Variants in PCDHA5 observed in about 807,000 individuals in gnomAD.
The protein encoded by PCDHA5 is protocadherin alpha-5.
Under a neutral mutation model 61.6 loss-of-function variants are expected in PCDHA5, and 43 were observed. The observed-to-expected ratio is 0.70, with a 90% CI of 0.55 to 0.90. The LOEUF is 0.90. Among genes scored for constraint, PCDHA5 ranks in the 40% least tolerant of loss-of-function variants. The pLI, the probability that PCDHA5 is intolerant of heterozygous loss-of-function variation, is 0.00. For synonymous variants in PCDHA5, 627 were observed against 543.9 expected (o/e 1.15, Z -2.13); for missense variants, 1,298 against 1,222.7 (o/e 1.06, Z -0.92).
At chr5:140,959,591 A>C (rs2095498403) in intron 1 of PCDHA5, among the ~76,000 whole-genome samples, 1 of 152,220 alleles carries the variant, frequency 6.6e-6, no homozygotes, top group African/African-American at 2.4e-5. Context: ...CTATCAGCCA[A>C]GTATAACATG....
chr5:140,957,826 G>A (rs1282608668), intron 1 of PCDHA5, among the ~76,000 whole-genome samples: 3 of 151,106 alleles, frequency 2.0e-5, no homozygotes, highest in East Asian at 3.9e-4. Flanking sequence ...TTAAGAGAAA[G>A]TGTTAATTGA....
intron 1 of PCDHA5, among the ~76,000 whole-genome samples, chr5:140,961,302 A>G (rs1383841228): frequency 6.6e-6 from 1 of 152,222 alleles, no homozygotes; most frequent in African/African-American, 2.4e-5. Context: ...GTTAAAGAAC[A>G]TGATTTACCA....
At chr5:140,994,809 C>G (rs1366407347) in intron 3 of PCDHA5, among the ~76,000 whole-genome samples, 1 of 152,016 alleles carries the variant, frequency 6.6e-6, no homozygotes, top group Non-Finnish European at 1.5e-5. Flanking sequence ...AAACAAAATA[C>G]AAAAAACTGA....
intron 1 of PCDHA5, chr5:140,851,357 G>A: frequency 2.1e-6 from 2 of 974,974 alleles, no homozygotes; most frequent in Non-Finnish European, 2.5e-6. Flanking sequence ...GATGGAGACT[G>A]TGAACATCTG....
chr5:140,966,958 G>T (rs561982676), intron 1 of PCDHA5: 4 of 1,602,380 alleles, frequency 2.5e-6, no homozygotes, highest in African/African-American at 2.7e-5. Context: ...TGGCTCGCGC[G>T]CTGGGGCTTG....
intron 1 of PCDHA5, among the ~76,000 whole-genome samples, chr5:140,908,047 C>T (rs976734426): frequency 4.6e-5 from 7 of 152,208 alleles, no homozygotes; most frequent in African/African-American, 1.7e-4. Context: ...AATTGCACAT[C>T]CGGCCATTTC....
In PCDHA5 at chr5:140,829,466, G is replaced by A. The variant is rs2150168443; in HGVS notation, c.2352+5339G>A. 7 of 1,613,764 alleles carry A rather than the reference G, an allele frequency of 4.3e-6. No individual in the cohort carries two copies. The Admixed American group carries it at 5.0e-5, about 12-fold the overall frequency. ...CAATGCTCCGGCGTTCGCGCAGCCC[G>A]AGTACACAGTGTTCGTGAAGGAGAA... On this transcript the variant is annotated intron_variant, in intron 1 of 3. Transcript: ENST00000529859.
intron 1 of PCDHA5, chr5:140,875,919 C>G: frequency 2.5e-6 from 4 of 1,614,168 alleles, no homozygotes; most frequent in Non-Finnish European, 3.4e-6. Flanking sequence ...CGCCTCTGGA[C>G]TCTCATTTTC....
At chr5:140,828,819 A>C (rs140245330) in intron 1 of PCDHA5, 1 of 1,614,224 alleles carries the variant, frequency 6.2e-7, no homozygotes, top group Non-Finnish European at 8.5e-7. Context: ...CCCACTTTCG[A>C]ACAGTCTGAA....
At chr5:140,981,342 G>A (rs2096927846) in intron 2 of PCDHA5, among the ~76,000 whole-genome samples, 1 of 152,176 alleles carries the variant, frequency 6.6e-6, no homozygotes, top group African/African-American at 2.4e-5. Flanking sequence ...GGGAGGGTGA[G>A]GCAGGTGGAT....
At chr5:140,867,366 T>C (rs1478062885) in intron 1 of PCDHA5, 2 of 152,156 alleles carry the variant, frequency 1.3e-5, no homozygotes, top group African/African-American at 4.8e-5. Flanking sequence ...ATTTTACAGA[T>C]GCGTAATGGA....
At chr5:140,834,495 G>A in intron 1 of PCDHA5, 1 of 1,614,142 alleles carries the variant, frequency 6.2e-7, no homozygotes, top group Non-Finnish European at 8.5e-7. Context: ...GGTCCCCGAG[G>A]AGGCTAAACA....
At chr5:140,928,958 C>T in intron 1 of PCDHA5, 1 of 1,613,930 alleles carries the variant, frequency 6.2e-7, no homozygotes, top group South Asian at 1.1e-5. Flanking sequence ...ATTGCCTTGG[C>T]TTGTATTTCC....
chr5:140,907,163 T>C (rs1019409387), intron 1 of PCDHA5, among the ~76,000 whole-genome samples: 1 of 152,162 alleles, frequency 6.6e-6, no homozygotes, highest in Non-Finnish European at 1.5e-5. Context: ...TACCATATAT[T>C]GGATGCTGAT....
intron 1 of PCDHA5, chr5:140,876,915 C>A: frequency 6.2e-7 from 1 of 1,613,966 alleles, no homozygotes; most frequent in Non-Finnish European, 8.5e-7. Flanking sequence ...CGGCATGGGA[C>A]GCGGACGCGC....
intron 1 of PCDHA5, among the ~76,000 whole-genome samples, chr5:140,901,959 A>G (rs1163639408): frequency 6.6e-6 from 1 of 152,076 alleles, no homozygotes; most frequent in Admixed American, 6.6e-5. Flanking sequence ...ATTCGTGGCT[A>G]TCGTAAATGG....
intron 1 of PCDHA5, chr5:140,829,534 C>T (rs550072556): frequency 6.2e-7 from 1 of 1,613,076 alleles, no homozygotes; most frequent in Non-Finnish European, 8.5e-7. Context: ...CTGCGCGAGA[C>T]GCGGACGCGC....
chr5:140,983,359 A>G (rs1310994731), intron 3 of PCDHA5, among the ~76,000 whole-genome samples: 1 of 152,254 alleles, frequency 6.6e-6, no homozygotes, highest in African/African-American at 2.4e-5. Flanking sequence ...TAATAGAAAT[A>G]TGGCTTTGGA....
chr5:140,987,398 A>G (rs935672912), intron 3 of PCDHA5, among the ~76,000 whole-genome samples: 4 of 152,140 alleles, frequency 2.6e-5, no homozygotes, highest in African/African-American at 9.7e-5. Context: ...CAAGGAAGCC[A>G]TCTGTTTATG....
Sources: allele counts gnomAD v4.1 joint callset (sites outside exome capture counted in the v4.1 genomes callset), GRCh38; gene constraint gnomAD v4.1.1; transcripts MANE v1.5; gene names NCBI Gene and HGNC (gene_info 2026-07-23, HGNC 2026-07-21).